GDPD1: variants seen among roughly 807,000 people sequenced by gnomAD.
The protein encoded by GDPD1 is glycerophosphodiester phosphodiesterase domain containing 1.
In GDPD1, 28 loss-of-function variants were observed where a neutral mutation model predicts 45.1. The observed-to-expected ratio is 0.62, with a 90% CI of 0.46 to 0.85. The LOEUF is 0.85. Among genes scored for constraint, GDPD1 ranks in the 40% least tolerant of loss-of-function variants. The pLI is 0.00. For synonymous variants in GDPD1, 139 were observed against 131.4 expected, an observed-to-expected ratio of 1.06 and a Z score of -0.40; for missense variants, 256 against 364.8, an observed-to-expected ratio of 0.70 and a Z score of 2.43.
chr17:59,252,298 G>T (rs2147891530), intron 4 of GDPD1, among the ~76,000 whole-genome samples: 1 of 151,636 alleles, frequency 6.6e-6, no homozygotes, highest in East Asian at 2.0e-4. Flanking sequence ...TTGTCCAGTG[G>T]CACAATCTCA....
chr17:59,273,085 G>A (rs1371374791), intron 9 of GDPD1: 22 of 331,280 alleles, frequency 6.6e-5, no homozygotes, highest in Non-Finnish European at 8.6e-5. Flanking sequence ...TTGTGTGTGT[G>A]TATATATATA....
intron 2 of GDPD1, 56 bp from the exon 3 acceptor site, chr17:59,245,358 A>G (rs1320321363): frequency 5.5e-6 from 8 of 1,463,510 alleles, no homozygotes; most frequent in Non-Finnish European, 7.5e-6. Flanking sequence ...GATCTCATGC[A>G]TGTAACCCAA....
At chr17:59,259,376 G>T (rs1327288651) in intron 6 of GDPD1, among the ~76,000 whole-genome samples, 1 of 151,672 alleles carries the variant, frequency 6.6e-6, no homozygotes, top group East Asian at 2.0e-4. Flanking sequence ...GACCATCCTG[G>T]CTAACGCGGT....
intron 2 of GDPD1, among the ~76,000 whole-genome samples, chr17:59,240,222 C>T (rs752781670): frequency 3.3e-5 from 5 of 150,926 alleles, no homozygotes; most frequent in Admixed American, 3.3e-4. Context: ...ACCTGGAGAG[C>T]GGAAGTTGCA....
rs182603644 is a variant in GDPD1, at chr17:59,235,410, T to C, written c.185+876T>C. Among the ~76,000 whole-genome samples, 3 of 152,328 alleles carry C rather than the reference T, an allele frequency of 2.0e-5. No homozygotes were observed. The East Asian group carries it at 5.8e-4, about 29-fold the overall frequency. The stretch of plus-strand genomic sequence containing the variant: ...TAGGTACAAAGCTATTGTTTTTTCA[T>C]ATTCTAGTTTCACCTAAATCCTATC... On this transcript the variant is annotated intron_variant, in intron 2 of 9. Transcript: ENST00000284116.
intron 1 of GDPD1, 64 bp downstream of exon 1, chr17:59,220,815 G>T (rs957885336): frequency 2.6e-6 from 4 of 1,556,970 alleles, no homozygotes; most frequent in Non-Finnish European, 3.5e-6. Context: ...TTGCGGCTCC[G>T]CAAAAGGCAG....
At position 59,275,322 on chromosome 17, in the gene GDPD1, T is replaced by C. The variant is rs1325573659; in HGVS notation, c.*1549T>C. 1.1e-5 allele frequency: 8 copies of C among 733,448 alleles called. No homozygotes were observed. The East Asian group carries it at 2.0e-4, about 18-fold the overall frequency. 45.4% of individuals were successfully genotyped at this position (733,448 alleles called of 1,614,324 possible). On this transcript the variant is annotated 3_prime_UTR_variant, in exon 10 of 10. Coordinates refer to ENST00000284116, the MANE Select transcript of GDPD1 (RefSeq NM_182569.4). ...GCTCAAGAAAATAAAAGTTGATTAG[T>C]TGATCAGAAATAAAATCTGTAGAGT...
chr17:59,269,756 G>C (rs1306097038), intron 7 of GDPD1, among the ~76,000 whole-genome samples: 3 of 152,080 alleles, frequency 2.0e-5, no homozygotes, highest in Non-Finnish European at 4.4e-5. Context: ...CCAGAAGGTG[G>C]GGGTTGCAGT....
At position 59,253,243 on chromosome 17, in the gene GDPD1, C is replaced by T. The variant is rs934601934; in HGVS notation, c.368-3879C>T. On this transcript the variant is annotated intron_variant, in intron 4 of 9. Transcript: ENST00000284116. ...TATCTTTCCTATTTCCTGTTATTTT[C>T]CTCTTTTCTTTTTGTAGTCCACCAC... 3.9e-5 allele frequency among the ~76,000 whole-genome samples: 6 copies of T among 152,238 alleles called. No individual in the cohort carries two copies. In the South Asian group the frequency reaches 1.2e-3, roughly 32 times the overall value.
intron 2 of GDPD1, among the ~76,000 whole-genome samples, chr17:59,239,632 A>T (rs1286405898): frequency 6.6e-6 from 1 of 152,128 alleles, no homozygotes; most frequent in Non-Finnish European, 1.5e-5. Flanking sequence ...TTTATCTATT[A>T]GTTTGTCAAT....
At chr17:59,230,474 C>T (rs946633115) in intron 1 of GDPD1, among the ~76,000 whole-genome samples, 6 of 149,780 alleles carry the variant, frequency 4.0e-5, no homozygotes, top group African/African-American at 1.5e-4. Context: ...CCTCCGCCTC[C>T]CGGGTTCAAG....
At chr17:59,263,404 T>C (rs1186114480) in intron 6 of GDPD1, among the ~76,000 whole-genome samples, 1 of 151,946 alleles carries the variant, frequency 6.6e-6, no homozygotes, top group African/African-American at 2.4e-5. Context: ...ACAGTAAAAA[T>C]GTCTCAATAA....
chr17:59,221,608 C>T (rs1839718704), intron 1 of GDPD1, among the ~76,000 whole-genome samples: 2 of 152,022 alleles, frequency 1.3e-5, no homozygotes, highest in South Asian at 2.1e-4. Flanking sequence ...CCAGGTAGTC[C>T]ACCCTCTAAT....
intron 3 of GDPD1, among the ~76,000 whole-genome samples, chr17:59,248,114 C>A (rs2047226157): frequency 6.6e-6 from 1 of 151,796 alleles, no homozygotes; most frequent in South Asian, 2.1e-4. Context: ...AGAACATTTG[C>A]CAGCTGGGTG....
At chr17:59,261,460 T>A (rs188928599) in intron 6 of GDPD1, among the ~76,000 whole-genome samples, 16 of 152,126 alleles carry the variant, frequency 1.1e-4, no homozygotes, top group Non-Finnish European at 2.1e-4. Context: ...CAAAAACCTA[T>A]AAATGATTTT....
chr17:59,273,664 T>C lies in GDPD1; in HGVS notation c.836T>C (p.Val279Ala). The change falls in exon 10 of 10, where the codon GTA (valine) becomes GCA (alanine). Residue 279 changes from valine (V) to alanine (A), a missense_variant. Transcript: ENST00000284116. ...TCTAATTTTCAGGTGTATATTTGGGTATTAAATGAAGAACAAGAATACAAA... is the reference window on the plus strand; with the variant it reads ...TCTAATTTTCAGGTGTATATTTGGGCATTAAATGAAGAACAAGAATACAAA... ...TARGIQVYIW[V>A]LNEEQEYKRA... 1 of 1,513,718 alleles carries C rather than the reference T, an allele frequency of 6.6e-7. No individual in the cohort carries two copies. The allele number at this position is 1,513,718 out of a possible 1,614,324, so 93.8% of individuals were successfully genotyped here.
chr17:59,221,667 T>G lies in GDPD1; in HGVS notation c.142+916T>G, dbSNP rs891816590. ...TTGCTTCTTCATTATTGTGTAATAA[T>G]GTGTCTTCATTGCATTTCAACTATG... is the stretch of plus-strand genomic sequence containing the variant. On this transcript the variant is annotated intron_variant, in intron 1 of 9. Coordinates refer to ENST00000284116, the MANE Select transcript of GDPD1 (RefSeq NM_182569.4). Among the ~76,000 whole-genome samples the G allele has an allele frequency of 3.3e-5, 5 of 152,146 alleles. 1 individual carries two copies. The South Asian group carries it at 1.0e-3, about 31-fold the overall frequency.
Position 59,275,522 on chromosome 17 carries a change from G to T in GDPD1, c.*1749G>T. 1 of 194,858 alleles carries T rather than the reference G, an allele frequency of 5.1e-6. No homozygotes were observed. Among genetic ancestry groups the T allele is most frequent in the East Asian group, 1.3e-4 (1 of 7,708 alleles). The allele number at this position is 194,858 out of a possible 1,614,324, so 12.1% of individuals were successfully genotyped here. On this transcript the variant is annotated 3_prime_UTR_variant, in exon 10 of 10. Transcript: ENST00000284116. ...TTGTGTTTCCTCTAAAAAAATGTAA[G>T]ATTTCCATTTTTGGCACTGACTAAC...
At chr17:59,222,136 G>A (rs17823106) in intron 1 of GDPD1, among the ~76,000 whole-genome samples, 67,783 of 151,674 alleles carry the variant, frequency 0.45, 17,060 homozygotes, top group African/African-American at 0.7. Context: ...ACCAGGGACC[G>A]ACTTTTAGTA....
Sources: gnomAD v4.1 joint callset for allele counts (sites outside exome capture counted in the v4.1 genomes callset) on GRCh38, gnomAD v4.1.1 for gene constraint, MANE v1.5 for transcripts, NCBI Gene and HGNC (gene_info 2026-07-23, HGNC 2026-07-21) for gene names.